Variants in PLD5 observed in about 807,000 individuals in gnomAD.
PLD5 encodes the protein inactive phospholipase D5.
PLD5 carries 36 observed loss-of-function variants against 61.1 expected under a neutral mutation model. That is an observed-to-expected ratio of 0.59 (90% confidence interval 0.45 to 0.78). The LOEUF (loss-of-function observed/expected upper bound fraction) is 0.78. Among genes scored for constraint, PLD5 ranks in the 30% least tolerant of loss-of-function variants. The pLI is 0.00. For missense variants in PLD5, 515 were observed against 644.4 expected (o/e 0.80, Z 2.17); for synonymous variants, 243 against 242.8 (o/e 1.00, Z -0.01).
chr1:242,400,014 CA>C (rs1663831751), intron 1 of PLD5, among the ~76,000 whole-genome samples: 1 of 152,138 alleles, frequency 6.6e-6, no homozygotes, highest in Non-Finnish European at 1.5e-5. Flanking sequence ...ACTAAAAATA[CA>C]AAATCAGCCG....
chr1:242,141,978 T>C (rs1664207800), intron 5 of PLD5, among the ~76,000 whole-genome samples: 1 of 152,238 alleles, frequency 6.6e-6, no homozygotes, highest in African/African-American at 2.4e-5. Context: ...ATCCCATTCA[T>C]TGACAGCTCA....
intron 5 of PLD5, among the ~76,000 whole-genome samples, chr1:242,202,724 T>C (rs965684715): frequency 1.3e-5 from 2 of 152,206 alleles, no homozygotes; most frequent in African/African-American, 2.4e-5. Flanking sequence ...CACACTCTAC[T>C]TTGTGCATTC....
chr1:242,129,384 A>G (rs565795508), intron 5 of PLD5, among the ~76,000 whole-genome samples: 1 of 152,322 alleles, frequency 6.6e-6, no homozygotes, highest in Non-Finnish European at 1.5e-5. Flanking sequence ...GAATGACTCA[A>G]GCCTATTTCT....
Position 242,454,404 on chromosome 1 carries a change from G to A in PLD5, c.189+69684C>T, listed in dbSNP as rs1350639671. The stretch of plus-strand genomic sequence containing the variant: ...TAACAGTCATAAAGCATGTAGGGAT[G>A]GCTTTCAGCTTCTAATACTGTTTCA... On this transcript the variant is annotated intron_variant, in intron 1 of 9. Coordinates refer to ENST00000536534, the MANE Select transcript of PLD5 (RefSeq NM_001372062.1). Among the ~76,000 whole-genome samples, 4 of 151,804 alleles carry A rather than the reference G, an allele frequency of 2.6e-5. No homozygotes were observed. The East Asian group carries it at 7.7e-4, about 29-fold the overall frequency.
At chr1:242,198,701 C>CAA (rs10603005) in intron 5 of PLD5, among the ~76,000 whole-genome samples, 134 of 51,458 alleles carry the variant, frequency 2.6e-3, no homozygotes, top group Non-Finnish European at 3.5e-3. Flanking sequence ...AAGTCCTTAG[C>CAA]AAAAAAAAAA....
chr1:242,241,594 T>C (rs1672009690), intron 4 of PLD5, among the ~76,000 whole-genome samples: 2 of 152,126 alleles, frequency 1.3e-5, no homozygotes, highest in Admixed American at 6.6e-5. Flanking sequence ...TGCCACTGTG[T>C]TGACCATGGT....
chr1:242,376,544 A>G (rs958229456), intron 1 of PLD5, among the ~76,000 whole-genome samples: 8 of 152,264 alleles, frequency 5.3e-5, no homozygotes, highest in African/African-American at 1.9e-4. Flanking sequence ...TTCAAAATCC[A>G]AACATACAAA....
chr1:242,214,871 C>CTTTTTTTTTTTT (rs71570942), intron 5 of PLD5, among the ~76,000 whole-genome samples: 11 of 92,484 alleles, frequency 1.2e-4, no homozygotes, highest in East Asian at 3.3e-4. Flanking sequence ...CATTAAACAC[C>CTTTTTTTTTTTT]TTTTTTTTTT....
At chr1:242,248,784 A>T (rs557398235) in intron 4 of PLD5, among the ~76,000 whole-genome samples, 1 of 152,298 alleles carries the variant, frequency 6.6e-6, no homozygotes, top group South Asian at 2.1e-4. Context: ...TAATAAGCCT[A>T]CAAAATTGTG....
At chr1:242,480,424 G>A (rs1291295300) in intron 1 of PLD5, among the ~76,000 whole-genome samples, 1 of 152,094 alleles carries the variant, frequency 6.6e-6, no homozygotes, top group Non-Finnish European at 1.5e-5. Flanking sequence ...AAACATTGAA[G>A]GAGCAACTTT....
intron 1 of PLD5, among the ~76,000 whole-genome samples, chr1:242,450,109 G>A (rs573980678): frequency 7.9e-5 from 12 of 152,240 alleles, no homozygotes; most frequent in Non-Finnish European, 1.3e-4. Context: ...ATGAAACCAC[G>A]GGGCTCTTTG....
chr1:242,352,407 T>C (rs1224102933), intron 1 of PLD5, among the ~76,000 whole-genome samples: 3 of 152,226 alleles, frequency 2.0e-5, no homozygotes, highest in Non-Finnish European at 2.9e-5. Context: ...TGAATACTAT[T>C]TCGTTGTACA....
chr1:242,327,809 G>A (rs533132485), intron 2 of PLD5, among the ~76,000 whole-genome samples: 3 of 152,240 alleles, frequency 2.0e-5, no homozygotes, highest in South Asian at 4.2e-4. Flanking sequence ...ACTCTATCAA[G>A]AACCAGGCAC....
At chr1:242,161,877 G>T (rs144043779) in intron 5 of PLD5, among the ~76,000 whole-genome samples, 4 of 152,248 alleles carry the variant, frequency 2.6e-5, no homozygotes, top group African/African-American at 9.6e-5. Flanking sequence ...GAGCTGCTAC[G>T]GTAAAGGGGA....
chr1:242,090,306 T>C (rs1168284994), intron 9 of PLD5, among the ~76,000 whole-genome samples, 196 bp from the exon 10 acceptor site: 1 of 152,232 alleles, frequency 6.6e-6, no homozygotes, highest in Non-Finnish European at 1.5e-5. Flanking sequence ...TTGCATATTA[T>C]TTTGGCATTT....
At chr1:242,434,845 C>A (rs1436945139) in intron 1 of PLD5, among the ~76,000 whole-genome samples, 2 of 152,264 alleles carry the variant, frequency 1.3e-5, no homozygotes, top group East Asian at 3.9e-4. Flanking sequence ...GATCTCCTGA[C>A]CTCGTGATCT....
chr1:242,203,495 G>C (rs139650761), intron 5 of PLD5: 1 of 152,480 alleles, frequency 6.6e-6, no homozygotes, highest in Non-Finnish European at 1.5e-5. Flanking sequence ...GGGGCCTCGT[G>C]GGAGGTGTTA....
chr1:242,261,853 A>G (rs1487632589), intron 4 of PLD5, among the ~76,000 whole-genome samples: 9 of 152,258 alleles, frequency 5.9e-5, no homozygotes, highest in Admixed American at 1.3e-4. Context: ...TGGAGCAAAC[A>G]GAACATTAAC....
intron 1 of PLD5, among the ~76,000 whole-genome samples, chr1:242,498,424 G>A (rs1668447010): frequency 6.6e-6 from 1 of 152,132 alleles, no homozygotes. Context: ...CTCTCCCTGT[G>A]AGATGTAGTC....
Sources: gnomAD v4.1 joint callset for allele counts (sites outside exome capture counted in the v4.1 genomes callset) on GRCh38, gnomAD v4.1.1 for gene constraint, MANE v1.5 for transcripts, NCBI Gene and HGNC (gene_info 2026-07-23, HGNC 2026-07-21) for gene names.